The following CLDN15 variants were observed in gnomAD, a reference collection of about 807,000 sequenced individuals.
CLDN15 encodes claudin-15.
CLDN15 carries 9 observed loss-of-function variants against 24.5 expected under a neutral mutation model. That is an observed-to-expected ratio of 0.37 (90% CI 0.22 to 0.64). The LOEUF (loss-of-function observed/expected upper bound fraction) is 0.64, where lower values mean the gene tolerates loss of function less well. Ranked by LOEUF, CLDN15 falls within the 30% of genes least tolerant of loss-of-function variation. The probability of loss-of-function intolerance (pLI) is 0.63; values close to 1 mark genes in which losing one functional copy is unlikely to be tolerated. For synonymous variants in CLDN15, 149 were observed against 131.4 expected, an observed-to-expected ratio of 1.13 and a Z score of -0.92; for missense variants, 248 against 305.9, an observed-to-expected ratio of 0.81 and a Z score of 1.41.
At position 101,237,784 on chromosome 7, in the gene CLDN15, C is replaced by T. The variant is rs1798660716; in HGVS notation, c.-203G>A. The T allele has an allele frequency of 1.7e-6, 1 of 600,626 alleles. No individual in the cohort carries two copies. Among genetic ancestry groups the T allele is most frequent in the African/African-American group, 1.9e-5 (1 of 53,842 alleles). The allele number at this position is 600,626 out of a possible 1,614,324, so 37.2% of individuals were successfully genotyped here. The stretch of plus-strand genomic sequence containing the variant: ...TCCTGCTCTGTGGGTCTCTCTGCTT[C>T]CTGGCAGGTCAGAGGAATGAGCTAA... On this transcript the variant is annotated 5_prime_UTR_variant, in exon 1 of 5. Coordinates refer to ENST00000308344, the MANE Select transcript of CLDN15 (RefSeq NM_014343.3). This position sits in a 1 kb window ranked among gnomAD's most constrained non-coding sequence, Gnocchi z 4.0.
intron 1 of CLDN15, chr7:101,236,940 A>G: frequency 1.9e-6 from 1 of 533,498 alleles, no homozygotes; most frequent in Non-Finnish European, 3.1e-6. Context: ...CCCCCTGCCC[A>G]CCCCAGCAAT....
Position 101,237,287 on chromosome 7 carries a change from C to G in CLDN15, c.217+78G>C. The G allele has an allele frequency of 6.3e-6, 6 of 954,968 alleles. No homozygotes were observed. Among genetic ancestry groups the G allele is most frequent in the Non-Finnish European group, 6.6e-6 (4 of 604,732 alleles). 59.2% of individuals were successfully genotyped at this position (954,968 alleles called of 1,614,324 possible). On this transcript the variant is annotated intron_variant, in intron 1 of 4. Coordinates refer to ENST00000308344, the MANE Select transcript of CLDN15 (RefSeq NM_014343.3). The surrounding 1 kb of genome is among the most constrained non-coding windows in gnomAD (Gnocchi z 4.0). ...TAATTCAGGGCTCCCTGCATCCTCA[C>G]GGAAGTACCCGCCCTCCCCTGGGGT...
upstream of CLDN15, chr7:101,238,148 C>T (rs3757459): frequency 0.31 from 53,978 of 173,796 alleles, 8,790 homozygotes; most frequent in African/African-American, 0.41. Flanking sequence ...TGGTGAAGGA[C>T]GGAGGAACCA....
At position 101,234,381 on chromosome 7, in the gene CLDN15, G is replaced by A; in HGVS notation, c.279C>T (p.Leu93=). 3.7e-6 allele frequency: 6 copies of A among 1,612,994 alleles called. No individual in the cohort carries two copies. Among genetic ancestry groups the A allele is most frequent in the South Asian group, 1.1e-5 (1 of 91,082 alleles). The change falls in exon 2 of 5, where the codon CTC becomes CTT. Residue 93 remains leucine (L), a synonymous_variant. Transcript: ENST00000308344. ...ITAILLGFLG[L]LLGIAGLRCT... ...AGCGCAGGCCCGCTATGCCTAGCAA[G>A]AGGCCGAGGAAGCCCAGGAGGATGG...
In CLDN15 at chr7:101,237,272, C is replaced by T; in HGVS notation, c.217+93G>A. The T allele has an allele frequency of 1.2e-6, 1 of 839,410 alleles. No homozygotes were observed. 52.0% of individuals were successfully genotyped at this position (839,410 alleles called of 1,614,324 possible). A position where few individuals can be genotyped will look rare whatever the true frequency, so the allele number is the denominator to read the frequency against. On this transcript the variant is annotated intron_variant, in intron 1 of 4. Transcript: ENST00000308344. The surrounding 1 kb of genome is among the most constrained non-coding windows in gnomAD (Gnocchi z 4.0). ...CAGACCCGCAGAGCTTAATTCAGGGCTCCCTGCATCCTCACGGAAGTACCC... is the reference window on the plus strand; with the variant it reads ...CAGACCCGCAGAGCTTAATTCAGGGTTCCCTGCATCCTCACGGAAGTACCC...
rs547706023 is a variant in CLDN15 at position 101,235,916 on chromosome 7, G to A, written c.217+1449C>T. On this transcript the variant is annotated intron_variant, in intron 1 of 4. Coordinates refer to ENST00000308344, the MANE Select transcript of CLDN15 (RefSeq NM_014343.3). The stretch of plus-strand genomic sequence containing the variant: ...ACCCCAGCCGTGGAGTCTGAATGCC[G>A]GCTCCCCTCTCCTGCCTGTGTGATT... Among the ~76,000 whole-genome samples, 12 of 152,182 alleles carry A rather than the reference G, an allele frequency of 7.9e-5. No homozygotes were observed. The South Asian group carries it at 1.5e-3, about 18-fold the overall frequency.
intron 1 of CLDN15, chr7:101,236,814 G>C (rs1286145881): frequency 7.7e-7 from 1 of 1,291,154 alleles, no homozygotes; most frequent in Non-Finnish European, 1.0e-6. Flanking sequence ...CCCTTCACAG[G>C]GGCCCTTTAT....
chr7:101,236,684 A>G lies in CLDN15; in HGVS notation c.217+681T>C, dbSNP rs994173369. The stretch of plus-strand genomic sequence containing the variant: ...CACAGAAAGAACTGCCCTGGGCCCA[A>G]AGAGCTGTTGGCTCCAGCCCTCTAA... On this transcript the variant is annotated intron_variant, in intron 1 of 4. Coordinates refer to ENST00000308344, the MANE Select transcript of CLDN15 (RefSeq NM_014343.3). 15 of 1,251,430 alleles carry G rather than the reference A, an allele frequency of 1.2e-5. No individual in the cohort carries two copies. The African/African-American group carries it at 2.2e-4, about 18-fold the overall frequency. The allele number at this position is 1,251,430 out of a possible 1,614,324, so 77.5% of individuals were successfully genotyped here. A position where few individuals can be genotyped will look rare whatever the true frequency, so the allele number is the denominator to read the frequency against.
chr7:101,232,728 C>A lies in CLDN15; in HGVS notation c.465-8G>T. The A allele has an allele frequency of 6.3e-7, 1 of 1,593,580 alleles. No individual in the cohort carries two copies. The highest frequency in any genetic ancestry group is 8.6e-7 in the Non-Finnish European group (1 of 1,168,650). ...GCGGGGCCCAGCTCGTACCTGCGCA[C>A]AAGGGCGGCGCGGGGGCGGGGGACA... On this transcript the variant is annotated splice_region_variant and splice_polypyrimidine_tract_variant and intron_variant, in intron 3 of 4. Transcript: ENST00000308344.
chr7:101,232,277 G>GGGCCGT lies in CLDN15; in HGVS notation c.*127_*132dup. 1.6e-6 allele frequency: 1 copy of GGGCCGT among 627,574 alleles called. No homozygotes were observed. The allele number at this position is 627,574 out of a possible 1,614,324, so 38.9% of individuals were successfully genotyped here. On this transcript the variant is annotated 3_prime_UTR_variant, in exon 5 of 5. Transcript: ENST00000308344. ...AGGGGCCATGAGAGTGCAAGACACG[G>GGGCCGT]GGCCGTGGCCGGGGCGGGGCTACGG...
Position 101,237,220 on chromosome 7 carries a change from C to A in CLDN15, c.217+145G>T. The A allele has an allele frequency of 1.5e-6, 1 of 665,722 alleles. No homozygotes were observed. Among genetic ancestry groups the A allele is most frequent in the South Asian group, 1.7e-5 (1 of 58,330 alleles). The allele number at this position is 665,722 out of a possible 1,614,324, so 41.2% of individuals were successfully genotyped here. ...TCACTCCAGTTCTAGGCATGGGCCGCCCCCAGCACTCCTGGCTGCGGGAAC... is the reference window on the plus strand; with the variant it reads ...TCACTCCAGTTCTAGGCATGGGCCGACCCCAGCACTCCTGGCTGCGGGAAC... On this transcript the variant is annotated intron_variant, in intron 1 of 4. Coordinates refer to ENST00000308344, the MANE Select transcript of CLDN15 (RefSeq NM_014343.3). The surrounding 1 kb of genome is among the most constrained non-coding windows in gnomAD (Gnocchi z 4.0).
intron 2 of CLDN15, 144 bp downstream of exon 2, chr7:101,234,134 G>C (rs1251622011): frequency 2.5e-6 from 2 of 790,866 alleles, no homozygotes; most frequent in African/African-American, 3.4e-5. Flanking sequence ...GTACAGATGA[G>C]GCAGGGGTGA....
chr7:101,234,093 T>A (rs766293574), intron 2 of CLDN15, 185 bp downstream of exon 2: 1 of 725,890 alleles, frequency 1.4e-6, no homozygotes, highest in Non-Finnish European at 2.5e-6. Context: ...ACACTGCCGA[T>A]GGGCTGATTT....
chr7:101,236,859 G>A (rs1171806593), intron 1 of CLDN15: 6 of 1,260,600 alleles, frequency 4.8e-6, no homozygotes, highest in Admixed American at 4.6e-5. Flanking sequence ...AGTGCCCCCC[G>A]ACAGTGAGGC....
Position 101,232,355 on chromosome 7 carries a change from A to C in CLDN15, c.*55T>G. ...TACTATAGGGGAATGGGCCCCGGCC[A>C]GGTCCCCTCTCCTTGGGGCAGTGGG... On this transcript the variant is annotated 3_prime_UTR_variant, in exon 5 of 5. Coordinates refer to ENST00000308344, the MANE Select transcript of CLDN15 (RefSeq NM_014343.3). 7.6e-7 allele frequency: 1 copy of C among 1,315,870 alleles called. No homozygotes were observed. Among genetic ancestry groups the C allele is most frequent in the South Asian group, 1.2e-5 (1 of 82,316 alleles). 81.5% of individuals were successfully genotyped at this position (1,315,870 alleles called of 1,614,324 possible).
rs1251126625 is a variant in CLDN15, at chr7:101,232,813, T to G, written c.464+20A>C. On this transcript the variant is annotated intron_variant, in intron 3 of 4. Coordinates refer to ENST00000308344, the MANE Select transcript of CLDN15 (RefSeq NM_014343.3). ...CACCCGCTGCCCCGAGGGCGGGGGG[T>G]GGGGGGTTTCCTCACTCACTTGGTT... 4 of 1,594,950 alleles carry G rather than the reference T, an allele frequency of 2.5e-6. No homozygotes were observed. Among genetic ancestry groups the G allele is most frequent in the South Asian group, 2.2e-5 (2 of 90,632 alleles).
rs2116841572 is a variant in CLDN15 at position 101,237,249 on chromosome 7, G to C, written c.217+116C>G. On this transcript the variant is annotated intron_variant, in intron 1 of 4. Transcript: ENST00000308344. The surrounding 1 kb of genome is among the most constrained non-coding windows in gnomAD (Gnocchi z 4.0). ...CAGCACTCCTGGCTGCGGGAACTCAGACCCGCAGAGCTTAATTCAGGGCTC... is the reference window on the plus strand; with the variant it reads ...CAGCACTCCTGGCTGCGGGAACTCACACCCGCAGAGCTTAATTCAGGGCTC... 1 of 748,302 alleles carries C rather than the reference G, an allele frequency of 1.3e-6. No homozygotes were observed. Among genetic ancestry groups the C allele is most frequent in the African/African-American group, 1.7e-5 (1 of 57,920 alleles). 46.4% of individuals were successfully genotyped at this position (748,302 alleles called of 1,614,324 possible).
Position 101,232,596 on chromosome 7 carries a change from C to G in CLDN15, c.581+8G>C, listed in dbSNP as rs531037523. On this transcript the variant is annotated splice_region_variant and intron_variant, in intron 4 of 4. Coordinates refer to ENST00000308344, the MANE Select transcript of CLDN15 (RefSeq NM_014343.3). ...GCCCGGCCCCAGCCTGCGCCTCACC[C>G]TGCTCACCTGGCGGCTGGGTCCTCG... The G allele has an allele frequency of 9.9e-5, 158 of 1,595,132 alleles. No homozygotes were observed. The South Asian group carries it at 1.6e-3, about 16-fold the overall frequency.
At position 101,232,705 on chromosome 7, in the gene CLDN15, G is replaced by T; in HGVS notation, c.480C>A (p.Pro160=). Residue 160 remains proline, a synonymous_variant, in exon 4 of 5, where the codon CCC becomes CCA. Transcript: ENST00000308344. ...AGGCGCTCCACCCCAGGTAGAGGGC[G>T]GGGCCCAGCTCGTACCTGCGCACAA... ...LYPGTKYELG[P]ALYLGWSASL... 1 of 1,595,230 alleles carries T rather than the reference G, an allele frequency of 6.3e-7. No individual in the cohort carries two copies. Among genetic ancestry groups the T allele is most frequent in the East Asian group, 2.3e-5 (1 of 44,116 alleles).
Sources: allele counts gnomAD v4.1 joint callset (sites outside exome capture counted in the v4.1 genomes callset), GRCh38; gene constraint gnomAD v4.1.1; non-coding constraint Gnocchi (gnomAD v3.1); transcripts MANE v1.5; gene names NCBI Gene and HGNC (gene_info 2026-07-23, HGNC 2026-07-21).